Variants in EYS observed in about 807,000 individuals in gnomAD.
EYS encodes EGF-like photoreceptor maintenance factor.
A neutral mutation model predicts 282.1 loss-of-function variants in EYS; 250 were observed. The ratio of observed to expected loss-of-function variants is 0.89; its 90% CI spans 0.80 to 0.98. EYS has a LOEUF of 0.98. EYS is among the 50% of genes least tolerant of loss of function. The probability of loss-of-function intolerance (pLI) is 0.00; values close to 1 mark genes in which losing one functional copy is unlikely to be tolerated. For synonymous variants in EYS, 1,355 were observed against 1,282.9 expected, an observed-to-expected ratio of 1.06 and a Z score of -1.20; for missense variants, 4,016 against 3,709.0, an observed-to-expected ratio of 1.08 and a Z score of -2.15.
intron 11 of EYS, among the ~76,000 whole-genome samples, chr6:65,302,003 A>C (rs1562082612): frequency 6.6e-6 from 1 of 152,120 alleles, no homozygotes; most frequent in African/African-American, 2.4e-5. Context: ...TGAAAAACTG[A>C]TTTTTTTTGT....
At chr6:65,025,304 C>T (rs888339792) in intron 13 of EYS, among the ~76,000 whole-genome samples, 31 of 152,148 alleles carry the variant, frequency 2.0e-4, no homozygotes, top group African/African-American at 7.5e-4. Context: ...GCATATCACC[C>T]CACTTAAAAC....
In EYS at chr6:63,720,415, T is replaced by C. The variant is rs1266704580; in HGVS notation, c.*181A>G. 1 of 525,624 alleles carries C rather than the reference T, an allele frequency of 1.9e-6. No individual in the cohort carries two copies. Among genetic ancestry groups the C allele is most frequent in the Non-Finnish European group, 3.3e-6 (1 of 305,578 alleles). The allele number at this position is 525,624 out of a possible 1,614,324, so 32.6% of individuals were successfully genotyped here. On this transcript the variant is annotated 3_prime_UTR_variant, in exon 43 of 43. Coordinates refer to ENST00000503581, the MANE Select transcript of EYS (RefSeq NM_001142800.2). ...AAAATATATACAGATAAATTAGATG[T>C]AGGAAAAACAATCAGAACCTTCAGT...
At chr6:64,331,275 A>G (rs1042450714) in intron 29 of EYS, among the ~76,000 whole-genome samples, 4 of 152,188 alleles carry the variant, frequency 2.6e-5, no homozygotes, top group Non-Finnish European at 4.4e-5. Flanking sequence ...AAGGAAATCA[A>G]AAATGAAAAG....
At chr6:64,625,833 G>T (rs922388161) in intron 23 of EYS, among the ~76,000 whole-genome samples, 1 of 152,172 alleles carries the variant, frequency 6.6e-6, no homozygotes, top group African/African-American at 2.4e-5. Context: ...TTGATACAAA[G>T]ATCAGAAGTA....
chr6:64,913,551 C>T (rs1562256137), intron 15 of EYS, among the ~76,000 whole-genome samples: 3 of 152,078 alleles, frequency 2.0e-5, no homozygotes, highest in African/African-American at 7.2e-5. Flanking sequence ...GGATAATAGC[C>T]TCTAGCTGCA....
intron 5 of EYS, among the ~76,000 whole-genome samples, chr6:65,451,429 TC>T (rs1320339251): frequency 6.6e-6 from 1 of 152,102 alleles, no homozygotes. Context: ...TAGTAACGAC[TC>T]AGATGCCCCT....
At chr6:64,386,238 C>T (rs1482437638) in intron 29 of EYS, among the ~76,000 whole-genome samples, 2 of 152,122 alleles carry the variant, frequency 1.3e-5, no homozygotes, top group African/African-American at 4.8e-5. Flanking sequence ...TGCCCAAAAG[C>T]AACTGTATTA....
intron 11 of EYS, among the ~76,000 whole-genome samples, chr6:65,318,809 T>A (rs1476003692): frequency 6.7e-6 from 1 of 149,840 alleles, no homozygotes; most frequent in Non-Finnish European, 1.5e-5. Context: ...GCCTGGCTAT[T>A]TTTTGAATCT....
intron 1 of EYS, among the ~76,000 whole-genome samples, chr6:65,691,521 A>AT (rs1160853830): frequency 1.3e-5 from 2 of 150,330 alleles, no homozygotes; most frequent in Admixed American, 6.7e-5. Flanking sequence ...ATATTCTCCC[A>AT]TTCTGTAGGC....
intron 12 of EYS, among the ~76,000 whole-genome samples, chr6:65,161,664 CAA>C: frequency 6.6e-6 from 1 of 151,190 alleles, no homozygotes; most frequent in East Asian, 2.0e-4. Flanking sequence ...TTACTTATCT[CAA>C]AGAGATGTTC....
chr6:65,153,415 T>G (rs1195131236), intron 12 of EYS, among the ~76,000 whole-genome samples: 7 of 134,706 alleles, frequency 5.2e-5, no homozygotes, highest in African/African-American at 2.0e-4. Flanking sequence ...GTGTGTGTGT[T>G]AACCACTAAA....
chr6:64,692,093 C>T (rs186828780), intron 22 of EYS, among the ~76,000 whole-genome samples: 249 of 152,240 alleles, frequency 1.6e-3, no homozygotes, highest in Non-Finnish European at 2.8e-3. Context: ...TCTACAGTGA[C>T]TGGACTAATT....
intron 31 of EYS, among the ~76,000 whole-genome samples, chr6:64,164,092 A>G (rs1775192997): frequency 6.6e-6 from 1 of 152,116 alleles, no homozygotes; most frequent in African/African-American, 2.4e-5. Context: ...CTAAATGGTG[A>G]TCTTGAGGTA....
chr6:64,100,991 T>G (rs553044700), intron 31 of EYS, among the ~76,000 whole-genome samples: 80 of 152,316 alleles, frequency 5.3e-4, no homozygotes, highest in African/African-American at 1.8e-3. Context: ...ATCTTTTTTT[T>G]TGTGTCTCAT....
intron 18 of EYS, among the ~76,000 whole-genome samples, chr6:64,891,134 T>C (rs1020214154): frequency 1.3e-5 from 2 of 151,776 alleles, no homozygotes; most frequent in African/African-American, 4.8e-5. Context: ...TTTGGACATT[T>C]TCTGAATGGC....
chr6:64,688,714 G>C (rs1012079821), intron 22 of EYS, among the ~76,000 whole-genome samples: 1 of 152,156 alleles, frequency 6.6e-6, no homozygotes, highest in African/African-American at 2.4e-5. Flanking sequence ...ATTTGGGGTG[G>C]AGAGTTCTGG....
At chr6:65,030,525 C>A (rs1320352347) in intron 13 of EYS, among the ~76,000 whole-genome samples, 1 of 152,162 alleles carries the variant, frequency 6.6e-6, no homozygotes, top group Non-Finnish European at 1.5e-5. Flanking sequence ...CATGCATGTA[C>A]TCCACTGTAC....
In EYS at chr6:64,051,045, G is replaced by A. The variant is rs190048762; in HGVS notation, c.6725+15293C>T. ...TGATAGATTATCTGGTAGCTGATAC[G>A]TTGAATGATGAATGTAGGGAATAGT... On this transcript the variant is annotated intron_variant, in intron 33 of 42. Coordinates refer to ENST00000503581, the MANE Select transcript of EYS (RefSeq NM_001142800.2). Among the ~76,000 whole-genome samples the A allele has an allele frequency of 2.3e-3, 348 of 152,244 alleles. 1 individual carries two copies. The highest frequency in any genetic ancestry group is 7.9e-3 in the African/African-American group (328 of 41,540).
intron 33 of EYS, among the ~76,000 whole-genome samples, chr6:64,023,143 C>T (rs921542339): frequency 2.0e-5 from 3 of 152,306 alleles, no homozygotes; most frequent in African/African-American, 7.2e-5. Flanking sequence ...TTGCACTTAG[C>T]ATAAAGTTTT....
Sources: gnomAD v4.1 joint callset for allele counts (sites outside exome capture counted in the v4.1 genomes callset) on GRCh38, gnomAD v4.1.1 for gene constraint, MANE v1.5 for transcripts, NCBI Gene and HGNC (gene_info 2026-07-23, HGNC 2026-07-21) for gene names.